The following ZNF33B variants were observed in gnomAD, a reference collection of about 807,000 sequenced individuals.
ZNF33B encodes the protein zinc finger protein 11b (KOX 2).
Under a neutral mutation model 45.8 loss-of-function variants are expected in ZNF33B, and 29 were observed. That is an observed-to-expected ratio of 0.63 (90% confidence interval 0.47 to 0.86). The LOEUF is 0.86. Ranked by LOEUF, ZNF33B falls within the 40% of genes least tolerant of loss-of-function variation. The probability of loss-of-function intolerance (pLI) is 0.00; values close to 1 mark genes in which losing one functional copy is unlikely to be tolerated. For synonymous variants in ZNF33B, 305 were observed against 307.8 expected (o/e 0.99, Z 0.10); for missense variants, 831 against 909.9 (o/e 0.91, Z 1.12).
At chr10:42,623,230 G>A (rs1838666737) in intron 4 of ZNF33B, among the ~76,000 whole-genome samples, 1 of 152,252 alleles carries the variant, frequency 6.6e-6, no homozygotes, top group South Asian at 2.1e-4. Context: ...TCGTGCCACT[G>A]CACTCTGGCC....
chr10:42,624,397 CTCT>C (rs199851899), intron 4 of ZNF33B, among the ~76,000 whole-genome samples: 1,774 of 152,230 alleles, frequency 0.012, 23 homozygotes, highest in African/African-American at 0.028. Flanking sequence ...ACATCCTGTC[CTCT>C]TGATTATTAT....
In ZNF33B at chr10:42,620,269, G is replaced by A. The variant is rs535064124; in HGVS notation, c.250+11660C>T. The stretch of plus-strand genomic sequence containing the variant: ...AAGAAGGCAGTAATAAAGGGAATAT[G>A]GGACCAAAGAAGGTATACAATATAC... On this transcript the variant is annotated intron_variant, in intron 4 of 4. Transcript: ENST00000359467. 1.2e-4 allele frequency among the ~76,000 whole-genome samples: 18 copies of A among 150,580 alleles called. No individual in the cohort carries two copies. In the South Asian group the frequency reaches 3.2e-3, roughly 27 times the overall value.
chr10:42,593,619 T>C lies in ZNF33B; in HGVS notation c.1331A>G (p.Tyr444Cys). 3 of 1,614,054 alleles carry C rather than the reference T, an allele frequency of 1.9e-6. No homozygotes were observed. The highest frequency in any genetic ancestry group is 2.5e-6 in the Non-Finnish European group (3 of 1,179,958). ...THTGQKPYECYECGKSFCMNS... is the reference protein window; with the variant it reads ...THTGQKPYECCECGKSFCMNS... ...CATACAGAAGGATTTTCCACATTCA[T>C]AACATTCATAGGGTTTCTGCCCTGT... The change falls in exon 5 of 5, where the codon TAT (tyrosine) becomes TGT (cysteine). Residue 444 changes from tyrosine (Y) to cysteine (C), a missense_variant. Tyr to Cys is a radical substitution (Grantham distance 194). Coordinates refer to ENST00000359467, the MANE Select transcript of ZNF33B (RefSeq NM_006955.3).
chr10:42,618,093 T>C (rs535310268), intron 4 of ZNF33B, among the ~76,000 whole-genome samples: 18 of 152,284 alleles, frequency 1.2e-4, no homozygotes, highest in African/African-American at 3.8e-4. Flanking sequence ...GTATAAGTAA[T>C]AAACTCTTTT....
At chr10:42,638,096 C>G (rs1839412938) in intron 1 of ZNF33B, among the ~76,000 whole-genome samples, 3 of 152,244 alleles carry the variant, frequency 2.0e-5, no homozygotes, top group Admixed American at 2.0e-4. Context: ...GCAACAGAGT[C>G]CGTATGTCGG....
chr10:42,593,741 G>T lies in ZNF33B; in HGVS notation c.1209C>A (p.His403Gln). 6.2e-7 allele frequency: 1 copy of T among 1,612,912 alleles called. No individual in the cohort carries two copies. Among genetic ancestry groups the T allele is most frequent in the African/African-American group, 1.3e-5 (1 of 74,746 alleles). The change falls in exon 5 of 5, where the codon CAC becomes CAA. Residue 403 changes from histidine (H) to glutamine (Q), a missense_variant. His to Gln is a conservative substitution (Grantham distance 24). Coordinates refer to ENST00000359467, the MANE Select transcript of ZNF33B (RefSeq NM_006955.3). ...GTTTCTCCCCTGTATGTGTTCTCTG[G>T]TGTAATGTGAGGGCTGACTTATGGC... Reference protein sequence around the residue: ...AFSHKSALTLHQRTHTGEKPY... With the variant: ...AFSHKSALTLQQRTHTGEKPY...
chr10:42,599,470 ATAT>A (rs1837535178), intron 4 of ZNF33B, among the ~76,000 whole-genome samples: 1 of 151,080 alleles, frequency 6.6e-6, no homozygotes, highest in East Asian at 1.9e-4. Flanking sequence ...ATACATATGT[ATAT>A]TACATATATA....
intron 4 of ZNF33B, among the ~76,000 whole-genome samples, chr10:42,603,523 C>T (rs1333185088): frequency 6.6e-6 from 1 of 152,166 alleles, no homozygotes; most frequent in South Asian, 2.1e-4. Context: ...CATACAAATA[C>T]ATACACAGAT....
At chr10:42,618,294 T>A (rs979467946) in intron 4 of ZNF33B, among the ~76,000 whole-genome samples, 1 of 152,234 alleles carries the variant, frequency 6.6e-6, no homozygotes, top group African/African-American at 2.4e-5. Context: ...TCCATTTTAA[T>A]ACTGGGTAAC....
intron 1 of ZNF33B, chr10:42,583,054 A>G: frequency 2.4e-6 from 2 of 836,074 alleles, no homozygotes; most frequent in South Asian, 2.6e-5. Flanking sequence ...GGCAGTGCAG[A>G]GTCCTCTTCT....
chr10:42,593,895 G>A lies in ZNF33B; in HGVS notation c.1055C>T (p.Thr352Ile), dbSNP rs1160940034. 5.6e-6 allele frequency: 9 copies of A among 1,613,862 alleles called. No homozygotes were observed. The highest frequency in any genetic ancestry group is 4.0e-5 in the African/African-American group (3 of 74,878). The part of the protein sequence containing the change: ...SHLTRHQRVH[T>I]GEKHFQCNQC... ...ATTACATTGAAAGTGTTTCTCTCCT[G>A]TGTGCACCCTCTGATGTCGAGTGAG... is the stretch of plus-strand genomic sequence containing the variant. The change falls in exon 5 of 5, where the codon ACA becomes ATA. Residue 352 changes from threonine to isoleucine, a missense_variant. Coordinates refer to ENST00000359467, the MANE Select transcript of ZNF33B (RefSeq NM_006955.3).
At chr10:42,636,885 C>G (rs371097710) in intron 2 of ZNF33B, 35 bp downstream of exon 2, 109 of 1,613,804 alleles carry the variant, frequency 6.8e-5, no homozygotes, top group Non-Finnish European at 9.0e-5. Context: ...CAAAGTCCAC[C>G]GCAAAATAAA....
At chr10:42,636,151 T>G (rs1839291544) in intron 2 of ZNF33B, among the ~76,000 whole-genome samples, 1 of 151,950 alleles carries the variant, frequency 6.6e-6, no homozygotes, top group South Asian at 2.1e-4. Flanking sequence ...AATAAAAAAT[T>G]TAAAATTAAA....
rs142612749 is a variant in ZNF33B, at chr10:42,610,544, A to G, written c.251-15845T>C. ...TAAGAGCAAAACTCTGTTTCAATAAATAAATAAATAAGTAAATTCCATTTA... is the reference window on the plus strand; with the variant it reads ...TAAGAGCAAAACTCTGTTTCAATAAGTAAATAAATAAGTAAATTCCATTTA... On this transcript the variant is annotated intron_variant, in intron 4 of 4. Coordinates refer to ENST00000359467, the MANE Select transcript of ZNF33B (RefSeq NM_006955.3). Among the ~76,000 whole-genome samples, 20 of 152,340 alleles carry G rather than the reference A, an allele frequency of 1.3e-4. No homozygotes were observed. In the East Asian group the frequency reaches 3.9e-3, roughly 29 times the overall value.
In ZNF33B at chr10:42,589,149, A is replaced by AT. The variant is rs71533031; in HGVS notation, c.*3463dup. 1.3e-3 allele frequency: 271 copies of AT among 216,292 alleles called. 1 individual carries two copies. The highest frequency in any genetic ancestry group is 1.8e-3 in the Non-Finnish European group (226 of 126,508). 13.4% of individuals were successfully genotyped at this position (216,292 alleles called of 1,614,324 possible). A position where few individuals can be genotyped will look rare whatever the true frequency, so the allele number is the denominator to read the frequency against. ...CTTATTTATTTACTTAATACACTTC[A>AT]TTTTTTAGAGCAGCTTTAGGGTTAC... On this transcript the variant is annotated 3_prime_UTR_variant, in exon 5 of 5. Coordinates refer to ENST00000359467, the MANE Select transcript of ZNF33B (RefSeq NM_006955.3).
Position 42,592,468 on chromosome 10 carries a change from C to T in ZNF33B, c.*145G>A. On this transcript the variant is annotated 3_prime_UTR_variant, in exon 5 of 5. Transcript: ENST00000359467. ...TAGTTGTTGTAGTCTATGGGTTTAT[C>T]CCCTACTGTTACTTTGGAGTAACAT... is the stretch of plus-strand genomic sequence containing the variant. 1.7e-6 allele frequency: 2 copies of T among 1,171,812 alleles called. No homozygotes were observed. The highest frequency in any genetic ancestry group is 2.3e-5 in the Admixed American group (1 of 43,124). 72.6% of individuals were successfully genotyped at this position (1,171,812 alleles called of 1,614,324 possible).
At chr10:42,619,127 CA>C (rs75304231) in intron 4 of ZNF33B, among the ~76,000 whole-genome samples, 487 of 131,730 alleles carry the variant, frequency 3.7e-3, no homozygotes, top group Admixed American at 3.8e-3. Context: ...ACAGAAACAC[CA>C]AAAAAAAAAA....
At chr10:42,598,918 T>C (rs1156601904) in intron 4 of ZNF33B, among the ~76,000 whole-genome samples, 2 of 152,198 alleles carry the variant, frequency 1.3e-5, no homozygotes, top group African/African-American at 4.8e-5. Flanking sequence ...ATTTAGGAAG[T>C]ATTCCCTCTT....
intron 1 of ZNF33B, among the ~76,000 whole-genome samples, chr10:42,637,935 A>C (rs954325651): frequency 2.0e-5 from 3 of 152,208 alleles, no homozygotes; most frequent in Non-Finnish European, 4.4e-5. Context: ...TACAGGAGAG[A>C]GCCACCGCGC....
Sources: gnomAD v4.1 joint callset for allele counts (sites outside exome capture counted in the v4.1 genomes callset) on GRCh38, gnomAD v4.1.1 for gene constraint, MANE v1.5 for transcripts, NCBI Gene and HGNC (gene_info 2026-07-23, HGNC 2026-07-21) for gene names.